Variants in INPP4B observed in about 807,000 individuals in gnomAD.
INPP4B encodes the protein inositol polyphosphate-4-phosphatase type II B, also known as inositol polyphosphate 4-phosphatase type II.
In INPP4B, 55 loss-of-function variants were observed where a neutral mutation model predicts 122.5. The ratio of observed to expected loss-of-function variants is 0.45; its 90% confidence interval spans 0.36 to 0.56. INPP4B has a LOEUF of 0.56. INPP4B is among the 20% of genes least tolerant of loss of function. The probability of loss-of-function intolerance (pLI) is 0.00; values close to 1 mark genes in which losing one functional copy is unlikely to be tolerated. For synonymous variants in INPP4B, 403 were observed against 388.7 expected, an observed-to-expected ratio of 1.04 and a Z score of -0.43; for missense variants, 1,000 against 1,097.7, an observed-to-expected ratio of 0.91 and a Z score of 1.26.
intron 12 of INPP4B, among the ~76,000 whole-genome samples, chr4:142,229,153 T>C (rs1465635736): frequency 1.3e-5 from 2 of 151,464 alleles, no homozygotes; most frequent in African/African-American, 4.8e-5. Context: ...TTATATAATA[T>C]GTTTAATATA....
chr4:142,396,697 G>A (rs1214839866), intron 7 of INPP4B, among the ~76,000 whole-genome samples: 1 of 151,958 alleles, frequency 6.6e-6, no homozygotes, highest in African/African-American at 2.4e-5. Flanking sequence ...AAAACCGGAA[G>A]CAACATAAAT....
Position 142,160,518 on chromosome 4 carries a change from C to T in INPP4B, c.1403G>A (p.Ser468Asn), listed in dbSNP as rs752245567. The T allele has an allele frequency of 1.2e-6, 2 of 1,610,214 alleles. No individual in the cohort carries two copies. Among genetic ancestry groups the T allele is most frequent in the Admixed American group, 1.7e-5 (1 of 59,718 alleles). ...VHAFKDQLVRSALLALYTARP... is the reference protein window; with the variant it reads ...VHAFKDQLVRNALLALYTARP... ...TGCAGTGTAGAGTGCTAAAAGAGCA[C>T]TCCTGACAAGTTGATCCTTGAAGGC... Residue 468 changes from serine (S) to asparagine (N), a missense_variant, in exon 17 of 26, where the codon AGT becomes AAT. By Grantham distance (46) the Ser-to-Asn change is conservative. Coordinates refer to ENST00000262992, the MANE Select transcript of INPP4B (RefSeq NM_001101669.3).
chr4:142,211,323 T>C (rs1001946233), intron 12 of INPP4B, among the ~76,000 whole-genome samples: 3 of 152,096 alleles, frequency 2.0e-5, no homozygotes, highest in East Asian at 3.9e-4. Flanking sequence ...TAGATGAGGA[T>C]AGAAGATAAC....
intron 3 of INPP4B, among the ~76,000 whole-genome samples, chr4:142,462,376 G>A (rs984389576): frequency 7.9e-5 from 12 of 151,976 alleles, no homozygotes; most frequent in African/African-American, 2.9e-4. Context: ...CCCAAATAAA[G>A]CATATGCATT....
intron 25 of INPP4B, among the ~76,000 whole-genome samples, chr4:142,047,053 T>G (rs930270835): frequency 3.9e-5 from 6 of 152,088 alleles, no homozygotes; most frequent in African/African-American, 1.4e-4. Flanking sequence ...AAGCAGATAA[T>G]CAGACTGGGT....
At chr4:142,048,718 C>A (rs1362386784) in intron 25 of INPP4B, among the ~76,000 whole-genome samples, 1 of 151,800 alleles carries the variant, frequency 6.6e-6, no homozygotes. Context: ...AGCTTGAGAG[C>A]TGGTTAAAGA....
In INPP4B at chr4:142,208,943, AT is replaced by A; in HGVS notation, c.919del (p.Met307TrpfsTer2). 6.2e-7 allele frequency: 1 copy of A among 1,603,042 alleles called. No individual in the cohort carries two copies. The highest frequency in any genetic ancestry group is 8.5e-7 in the Non-Finnish European group (1 of 1,172,974). On this transcript the variant is annotated frameshift_variant, in exon 13 of 26. Coordinates refer to ENST00000262992, the MANE Select transcript of INPP4B (RefSeq NM_001101669.3). LOFTEE classifies it high-confidence loss of function. ...CAGAATGTCTTGGTACATATTCACC[AT>A]TTGATCACAGTGAGTAAGGACATTT... ...RKNVLTHCDQMVNMYQDILTE... is the reference protein window; with the variant it reads ...RKNVLTHCDQXVNMYQDILTE...
At chr4:142,706,468 C>T (rs1359508822) in intron 2 of INPP4B, among the ~76,000 whole-genome samples, 1 of 152,202 alleles carries the variant, frequency 6.6e-6, no homozygotes, top group Non-Finnish European at 1.5e-5. Flanking sequence ...GCATCCTGTC[C>T]TTTGTCTAGT....
intron 1 of INPP4B, among the ~76,000 whole-genome samples, chr4:142,817,847 T>G (rs565608380): frequency 6.6e-6 from 1 of 152,156 alleles, no homozygotes; most frequent in Non-Finnish European, 1.5e-5. Context: ...AACTGCTATA[T>G]ATTGACGTTA....
intron 7 of INPP4B, among the ~76,000 whole-genome samples, chr4:142,380,629 A>C (rs1378142800): frequency 6.6e-6 from 1 of 152,082 alleles, no homozygotes; most frequent in Non-Finnish European, 1.5e-5. Flanking sequence ...CAGAAAGGCT[A>C]TTAACATAAG....
intron 18 of INPP4B, among the ~76,000 whole-genome samples, chr4:142,133,256 A>G (rs572638754): frequency 7.2e-5 from 11 of 152,310 alleles, no homozygotes; most frequent in African/African-American, 2.2e-4. Flanking sequence ...TACCATCTAC[A>G]TAATAACAAT....
chr4:142,641,567 T>G (rs1237606694), intron 2 of INPP4B, among the ~76,000 whole-genome samples: 3 of 152,102 alleles, frequency 2.0e-5, no homozygotes, highest in African/African-American at 4.8e-5. Flanking sequence ...ATGGTTTCCA[T>G]CTTCATTCAT....
At chr4:142,061,128 T>C (rs1164003877) in intron 25 of INPP4B, among the ~76,000 whole-genome samples, 2 of 152,172 alleles carry the variant, frequency 1.3e-5, no homozygotes, top group Admixed American at 1.3e-4. Context: ...AATGGATCAA[T>C]AATTGGAAGT....
intron 2 of INPP4B, among the ~76,000 whole-genome samples, chr4:142,639,469 T>C (rs1378459655): frequency 2.0e-5 from 3 of 152,204 alleles, no homozygotes; most frequent in Admixed American, 6.5e-5. Context: ...GCAGATTGTG[T>C]CTTTGTAGTA....
chr4:142,546,489 A>G (rs1363598755), intron 2 of INPP4B, among the ~76,000 whole-genome samples: 2 of 152,120 alleles, frequency 1.3e-5, no homozygotes, highest in East Asian at 3.8e-4. Flanking sequence ...TCCAAAATTG[A>G]GAAACCTGGA....
At chr4:142,418,767 T>A (rs1391002874) in intron 5 of INPP4B, among the ~76,000 whole-genome samples, 1 of 152,122 alleles carries the variant, frequency 6.6e-6, no homozygotes, top group Admixed American at 6.6e-5. Context: ...CATTTTGATT[T>A]TACTCTAAGT....
At chr4:142,040,037 G>T (rs976504946) in intron 25 of INPP4B, among the ~76,000 whole-genome samples, 1 of 148,030 alleles carries the variant, frequency 6.8e-6, no homozygotes, top group Non-Finnish European at 1.5e-5. Flanking sequence ...ATTGCGGGTT[G>T]GGGGGGTAAT....
chr4:142,103,830 GACAC>G (rs1208819284), intron 23 of INPP4B, among the ~76,000 whole-genome samples: 1 of 151,348 alleles, frequency 6.6e-6, no homozygotes, highest in African/African-American at 2.4e-5. Flanking sequence ...CACACACACA[GACAC>G]ACACACTACA....
intron 2 of INPP4B, among the ~76,000 whole-genome samples, chr4:142,644,740 TAAAAAAAAAAAAA>T (rs55700762): frequency 1.4e-5 from 1 of 71,062 alleles, no homozygotes; most frequent in East Asian, 3.6e-4. Flanking sequence ...CATCTCTACT[TAAAAAAAAAAAAA>T]AAAAAAAAAA....
Sources: gnomAD v4.1 joint callset for allele counts (sites outside exome capture counted in the v4.1 genomes callset) on GRCh38, gnomAD v4.1.1 for gene constraint, MANE v1.5 for transcripts, NCBI Gene and HGNC (gene_info 2026-07-23, HGNC 2026-07-21) for gene names.